Variants in LGI4 observed in about 807,000 individuals in gnomAD.
LGI4 encodes leucine rich repeat LGI family member 4, also known as leucine-rich repeat LGI family member 4.
A neutral mutation model predicts 48.3 loss-of-function variants in LGI4; 36 were observed. The observed-to-expected ratio is 0.75, with a 90% CI of 0.57 to 0.98. The LOEUF (loss-of-function observed/expected upper bound fraction) is 0.98, where lower values mean the gene tolerates loss of function less well. Among genes scored for constraint, LGI4 ranks in the 50% least tolerant of loss-of-function variants. The pLI, the probability that LGI4 is intolerant of heterozygous loss-of-function variation, is 0.00. For synonymous variants in LGI4, 355 were observed against 331.6 expected (o/e 1.07, Z -0.77); for missense variants, 701 against 732.1 (o/e 0.96, Z 0.49).
chr19:35,131,288 C>A, intron 6 of LGI4, 98 bp downstream of exon 6: 1 of 1,457,358 alleles, frequency 6.9e-7, no homozygotes, highest in Admixed American at 2.0e-5. Context: ...TCTTCCCACT[C>A]CGGGAAATGG....
Position 35,126,424 on chromosome 19 carries a change from G to C in LGI4, c.1145C>G (p.Ser382Trp). ...LDGRPHLLLASASQRPVLFHW... is the reference protein window; with the variant it reads ...LDGRPHLLLAWASQRPVLFHW... Reference sequence around the variant, plus strand: ...GAAGAGCACGGGCCGCTGGGAAGCCGAGGCCAGCAGCAGGTGGGGCCGGCC... The same window carrying C: ...GAAGAGCACGGGCCGCTGGGAAGCCCAGGCCAGCAGCAGGTGGGGCCGGCC... The change falls in exon 8 of 9, where the codon TCG becomes TGG. Residue 382 changes from serine to tryptophan, a missense_variant. Ser to Trp is a radical substitution (Grantham distance 177). Around this residue, in one of 3 missense-constraint regions of LGI4, gnomAD observed 223 missense variants for 263.3 expected, o/e 0.85. Transcript: ENST00000310123. 1 of 1,604,550 alleles carries C rather than the reference G, an allele frequency of 6.2e-7. No individual in the cohort carries two copies. Among genetic ancestry groups the C allele is most frequent in the Non-Finnish European group, 8.5e-7 (1 of 1,177,256 alleles).
Position 35,126,058 on chromosome 19 carries a change from G to C in LGI4, c.1299+212C>G, listed in dbSNP as rs900647997. 1.6e-5 allele frequency: 10 copies of C among 611,292 alleles called. No homozygotes were observed. In the Middle Eastern group the frequency reaches 1.9e-3, roughly 117 times the overall value. The allele number at this position is 611,292 out of a possible 1,614,324, so 37.9% of individuals were successfully genotyped here. A position where few individuals can be genotyped will look rare whatever the true frequency, so the allele number is the denominator to read the frequency against. On this transcript the variant is annotated intron_variant, in intron 8 of 8. Coordinates refer to ENST00000310123, the MANE Select transcript of LGI4 (RefSeq NM_139284.3). ...GTCACAGAGCCAGCATTTGGGGGTA[G>C]AATCAGGATGTTGGGGCCAGCATCA...
rs1457257267 is a variant in LGI4 at position 35,125,384 on chromosome 19, A to C, written c.1423T>G (p.Phe475Val). The part of the protein sequence containing the change: ...QLAILGSDFA[F>V]SQVLRLEPDK... ...GGCTCAAGGCGGAGGACCTGGCTGAAGGCGAAGTCGCTGCCTAGGATGGCC... is the reference window on the plus strand; with the variant it reads ...GGCTCAAGGCGGAGGACCTGGCTGACGGCGAAGTCGCTGCCTAGGATGGCC... Residue 475 changes from phenylalanine to valine, a missense_variant, in exon 9 of 9, where the codon TTC becomes GTC. By Grantham distance (50) the Phe-to-Val change is conservative (BLOSUM62 -1). Transcript: ENST00000310123. The C allele has an allele frequency of 6.2e-7, 1 of 1,613,028 alleles. No homozygotes were observed. The highest frequency in any genetic ancestry group is 8.5e-7 in the Non-Finnish European group (1 of 1,179,426).
intron 6 of LGI4, among the ~76,000 whole-genome samples, chr19:35,128,140 C>A (rs764260084): frequency 2.7e-4 from 41 of 152,320 alleles, no homozygotes; most frequent in Non-Finnish European, 7.3e-5. Context: ...CAGGGACTGC[C>A]CCACGTACCT....
chr19:35,128,047 AC>A (rs2065151815), intron 6 of LGI4, among the ~76,000 whole-genome samples: 1 of 152,230 alleles, frequency 6.6e-6, no homozygotes. Context: ...ACACCTGGAA[AC>A]AGCTTGTCCC....
intron 6 of LGI4, among the ~76,000 whole-genome samples, chr19:35,130,767 C>A (rs1307302756): frequency 6.6e-6 from 1 of 152,200 alleles, no homozygotes; most frequent in Non-Finnish European, 1.5e-5. Context: ...TCCTGTCCCC[C>A]CAGCTCTGTG....
In LGI4 at chr19:35,125,507, C is replaced by A; in HGVS notation, c.1300G>T (p.Val434Phe). ...CLTRYIGDSM[V>F]MRWDGSMFRL... is the part of the protein sequence containing the mutation. ...AACATGGAGCCGTCCCAGCGCATGACCTGTGGGGGTGTGGCCAGTGAGGGC... is the reference window on the plus strand; with the variant it reads ...AACATGGAGCCGTCCCAGCGCATGAACTGTGGGGGTGTGGCCAGTGAGGGC... The change falls in exon 9 of 9, where the codon GTC (valine) becomes TTC (phenylalanine). Residue 434 changes from valine (V) to phenylalanine (F), a missense_variant and splice_region_variant. This residue lies in a region of LGI4 where 223 missense variants were observed against 263.3 expected (regional missense o/e 0.85). Transcript: ENST00000310123. 5 of 1,545,422 alleles carry A rather than the reference C, an allele frequency of 3.2e-6. No homozygotes were observed. Among genetic ancestry groups the A allele is most frequent in the Non-Finnish European group, 4.4e-6 (5 of 1,142,166 alleles).
chr19:35,127,652 C>A (rs938660324), intron 6 of LGI4, among the ~76,000 whole-genome samples: 2 of 152,210 alleles, frequency 1.3e-5, no homozygotes, highest in Non-Finnish European at 2.9e-5. Context: ...TCCCAAAGTG[C>A]TGGGATTACA....
At chr19:35,130,182 G>T (rs2065165164) in intron 6 of LGI4, among the ~76,000 whole-genome samples, 1 of 152,116 alleles carries the variant, frequency 6.6e-6, no homozygotes, top group South Asian at 2.1e-4. Context: ...AATACTGAGA[G>T]AACTCAGGGA....
At chr19:35,125,688 C>T in intron 8 of LGI4, 181 bp from the exon 9 acceptor site, 3 of 705,340 alleles carry the variant, frequency 4.3e-6, no homozygotes, top group South Asian at 1.5e-5. Context: ...CTTGCCCTCA[C>T]GCCCCACACA....
Position 35,126,634 on chromosome 19 carries a change from C to T in LGI4, c.935G>A (p.Arg312Gln), listed in dbSNP as rs1027911544. 8.4e-6 allele frequency: 13 copies of T among 1,539,902 alleles called. No individual in the cohort carries two copies. The highest frequency in any genetic ancestry group is 5.4e-5 in the African/African-American group (4 of 73,556). The change falls in exon 8 of 9, where the codon CGG becomes CAG. Residue 312 changes from arginine to glutamine, a missense_variant. This residue lies in a region of LGI4 where 462 missense variants were observed against 436.4 expected (regional missense o/e 1.06). Coordinates refer to ENST00000310123, the MANE Select transcript of LGI4 (RefSeq NM_139284.3). Reference sequence around the variant, plus strand: ...GGCGTCATTGGGCCGCAGCAGCCGCCGCGGGGCCAGGGTCTGCGTTGGGGC... The same window carrying T: ...GGCGTCATTGGGCCGCAGCAGCCGCTGCGGGGCCAGGGTCTGCGTTGGGGC... ...RLAPTQTLAP[R>Q]RLLRPNDAEL... is the part of the protein sequence containing the mutation.
chr19:35,126,254 C>A lies in LGI4; in HGVS notation c.1299+16G>T. 2 of 1,608,926 alleles carry A rather than the reference C, an allele frequency of 1.2e-6. No individual in the cohort carries two copies. The highest frequency in any genetic ancestry group is 8.5e-7 in the Non-Finnish European group (1 of 1,178,044). On this transcript the variant is annotated intron_variant, in intron 8 of 8. Transcript: ENST00000310123. Reference sequence around the variant, plus strand: ...GTGCTGAAAAGCCAGCCCCCCGCCCCCAGGCCCAGCCTCACCATGGAGTCC... The same window carrying A: ...GTGCTGAAAAGCCAGCCCCCCGCCCACAGGCCCAGCCTCACCATGGAGTCC...
chr19:35,130,293 C>T (rs562820049), intron 6 of LGI4, among the ~76,000 whole-genome samples: 2 of 152,338 alleles, frequency 1.3e-5, no homozygotes, highest in Admixed American at 1.3e-4. Flanking sequence ...TTCTCAGTCT[C>T]TCTTCTCCAC....
intron 6 of LGI4, among the ~76,000 whole-genome samples, chr19:35,127,637 C>T (rs2065149326): frequency 1.3e-5 from 2 of 151,948 alleles, no homozygotes; most frequent in East Asian, 1.9e-4. Context: ...CTGCCCGCCT[C>T]GGCCTCCCAA....
In LGI4 at chr19:35,125,299, C is replaced by T. The variant is rs1555733362; in HGVS notation, c.1508G>A (p.Arg503His). The T allele has an allele frequency of 1.2e-6, 2 of 1,610,726 alleles. No homozygotes were observed. The highest frequency in any genetic ancestry group is 2.2e-5 in the South Asian group (2 of 90,936). ...ELGPPALVAP[R>H]AFAHITMAGR... ...GGCCATAGTGATGTGGGCAAAGGCACGGGGGGCCACCAGGGCCGGAGGCCC... is the reference window on the plus strand; with the variant it reads ...GGCCATAGTGATGTGGGCAAAGGCATGGGGGGCCACCAGGGCCGGAGGCCC... Residue 503 changes from arginine to histidine, a missense_variant, in exon 9 of 9, where the codon CGT becomes CAT. Coordinates refer to ENST00000310123, the MANE Select transcript of LGI4 (RefSeq NM_139284.3).
chr19:35,125,318 G>C lies in LGI4; in HGVS notation c.1489C>G (p.Pro497Ala). Residue 497 changes from proline (P) to alanine (A), a missense_variant, in exon 9 of 9, where the codon CCG (proline) becomes GCG (alanine). Pro to Ala is a conservative substitution (Grantham distance 27). Around this residue, in one of 3 missense-constraint regions of LGI4, gnomAD observed 223 missense variants for 263.3 expected, o/e 0.85. Coordinates refer to ENST00000310123, the MANE Select transcript of LGI4 (RefSeq NM_139284.3). ...AAGGCACGGGGGGCCACCAGGGCCG[G>C]AGGCCCCAGCTCCTGCAGTGGCTCC... Reference protein sequence around the residue: ...LLEPLQELGPPALVAPRAFAH... With the variant: ...LLEPLQELGPAALVAPRAFAH... 6.2e-7 allele frequency: 1 copy of C among 1,612,004 alleles called. No individual in the cohort carries two copies.
chr19:35,133,908 G>T, intron 2 of LGI4, 125 bp downstream of exon 2: 1 of 1,296,380 alleles, frequency 7.7e-7, no homozygotes. Context: ...GTACAGACGT[G>T]TGCATACACC....
chr19:35,131,079 A>G, intron 6 of LGI4: 1 of 591,030 alleles, frequency 1.7e-6, no homozygotes, highest in South Asian at 2.0e-5. Flanking sequence ...GCACTTAACG[A>G]AGAATTTTTA....
At chr19:35,134,488 C>T (rs903616871) in intron 1 of LGI4, 23 bp downstream of exon 1, 44 of 1,565,838 alleles carry the variant, frequency 2.8e-5, no homozygotes, top group South Asian at 5.9e-5. Context: ...CACCTTCGGG[C>T]ATGCAGAAGG....
Sources: allele counts gnomAD v4.1 joint callset (sites outside exome capture counted in the v4.1 genomes callset), GRCh38; gene constraint gnomAD v4.1.1; regional missense constraint gnomAD v4.1.1; transcripts MANE v1.5; gene names NCBI Gene and HGNC (gene_info 2026-07-23, HGNC 2026-07-21).